CTNNA2: variants seen among roughly 807,000 people sequenced by gnomAD.
CTNNA2 encodes catenin alpha 2.
In CTNNA2, 42 loss-of-function variants were observed where a neutral mutation model predicts 101.0. That is an observed-to-expected ratio of 0.42 (90% CI 0.32 to 0.54). CTNNA2 has a LOEUF of 0.54. Among genes scored for constraint, CTNNA2 ranks in the 20% least tolerant of loss-of-function variants. The pLI is 0.14. For synonymous variants in CTNNA2, 450 were observed against 456.4 expected, an observed-to-expected ratio of 0.99 and a Z score of 0.18; for missense variants, 871 against 1,223.1, an observed-to-expected ratio of 0.71 and a Z score of 4.29.
rs1317740312 is a variant in CTNNA2, at chr2:79,866,644, CCT to C, written c.466-3171_466-3170del. 9 of 152,268 alleles carry C rather than the reference CCT, an allele frequency of 5.9e-5. 1 individual carries two copies. The highest frequency in any genetic ancestry group is 3.9e-4 in the Admixed American group (6 of 15,294). The allele number at this position is 152,268 out of a possible 1,614,324, so 9.4% of individuals were successfully genotyped here. A position where few individuals can be genotyped will look rare whatever the true frequency, so the allele number is the denominator to read the frequency against. On this transcript the variant is annotated intron_variant, in intron 4 of 18. Coordinates refer to ENST00000402739, the MANE Select transcript of CTNNA2 (RefSeq NM_001282597.3). The stretch of plus-strand genomic sequence containing the variant: ...CTTTCTTTCTAGTTCTGCCAGAGCC[CCT>C]GTCATCCACAGACTTTCCAAGAGTA...
intron 18 of CTNNA2, among the ~76,000 whole-genome samples, chr2:80,641,682 C>A (rs980302594): frequency 6.6e-6 from 1 of 152,068 alleles, no homozygotes; most frequent in Non-Finnish European, 1.5e-5. Flanking sequence ...TAAAAGATTG[C>A]TAATTACTTA....
chr2:80,600,746 G>A (rs1258392704), intron 15 of CTNNA2, among the ~76,000 whole-genome samples: 2 of 152,046 alleles, frequency 1.3e-5, no homozygotes, highest in Non-Finnish European at 2.9e-5. Context: ...CTGGGCTCAA[G>A]CAAACCTCTC....
intron 3 of CTNNA2, among the ~76,000 whole-genome samples, chr2:79,825,392 A>C (rs1678353933): frequency 2.6e-5 from 4 of 152,164 alleles, no homozygotes; most frequent in Admixed American, 2.6e-4. Context: ...TAGGTGAGAT[A>C]AGCGATGGTT....
chr2:79,254,971 A>G (rs962005506), intron 2 of CTNNA2, among the ~76,000 whole-genome samples: 1 of 152,198 alleles, frequency 6.6e-6, no homozygotes, highest in Non-Finnish European at 1.5e-5. Context: ...ACAGTAGTCC[A>G]TGGTTTAGCT....
chr2:79,657,680 G>A (rs1277995261), intron 2 of CTNNA2, among the ~76,000 whole-genome samples: 2 of 151,504 alleles, frequency 1.3e-5, no homozygotes, highest in Non-Finnish European at 3.0e-5. Context: ...ATGCAAAAAA[G>A]AAACCTACCT....
chr2:79,356,811 T>C (rs972749451), intron 3 of CTNNA2, among the ~76,000 whole-genome samples: 4 of 152,030 alleles, frequency 2.6e-5, no homozygotes, highest in South Asian at 2.1e-4. Context: ...AATAAAAAAC[T>C]ACCATGTATA....
intron 7 of CTNNA2, among the ~76,000 whole-genome samples, chr2:80,057,475 A>T (rs1322943139): frequency 2.6e-5 from 4 of 152,186 alleles, no homozygotes; most frequent in African/African-American, 7.2e-5. Flanking sequence ...TCTTGGGAGC[A>T]GGTATCTGAG....
At chr2:79,421,913 A>G (rs1337189514) in intron 4 of CTNNA2, among the ~76,000 whole-genome samples, 3 of 152,172 alleles carry the variant, frequency 2.0e-5, no homozygotes, top group Non-Finnish European at 4.4e-5. Context: ...TATAGAGCCC[A>G]TAAGATTTTG....
chr2:79,753,873 T>C (rs1488464054), intron 3 of CTNNA2, among the ~76,000 whole-genome samples: 5 of 149,372 alleles, frequency 3.3e-5, no homozygotes, highest in Non-Finnish European at 6.0e-5. Flanking sequence ...CTCTCTTTTT[T>C]TTTTTTTTTT....
intron 3 of CTNNA2, among the ~76,000 whole-genome samples, chr2:79,362,014 G>A (rs1311510878): frequency 6.6e-6 from 1 of 152,000 alleles, no homozygotes; most frequent in Admixed American, 6.6e-5. Context: ...CAATCAAATT[G>A]ACACAATATT....
At chr2:80,632,075 C>A (rs1309717101) in intron 18 of CTNNA2, among the ~76,000 whole-genome samples, 1 of 152,076 alleles carries the variant, frequency 6.6e-6, no homozygotes, top group Non-Finnish European at 1.5e-5. Context: ...TGTTCAGGGG[C>A]AGCCTGCACC....
intron 3 of CTNNA2, among the ~76,000 whole-genome samples, chr2:79,749,906 G>T (rs1010294523): frequency 6.6e-6 from 1 of 152,188 alleles, no homozygotes; most frequent in Admixed American, 6.5e-5. Flanking sequence ...CTATAGCAAT[G>T]TGTACTACCT....
At chr2:80,299,380 A>C (rs1044306821) in intron 7 of CTNNA2, 2 of 151,520 alleles carry the variant, frequency 1.3e-5, no homozygotes, top group African/African-American at 2.4e-5. Context: ...TCCCCCCACC[A>C]ATCTCCAGAG....
intron 11 of CTNNA2, among the ~76,000 whole-genome samples, chr2:80,546,879 G>T (rs1478160602): frequency 1.3e-5 from 2 of 152,188 alleles, no homozygotes; most frequent in Admixed American, 1.3e-4. Context: ...GGTGTTAAAA[G>T]AGCCAGCTGA....
chr2:80,218,177 C>G (rs1303804813), intron 7 of CTNNA2, among the ~76,000 whole-genome samples: 1 of 152,220 alleles, frequency 6.6e-6, no homozygotes, highest in Non-Finnish European at 1.5e-5. Flanking sequence ...AAAACTCTCT[C>G]TCTTGACTAC....
At chr2:80,155,945 A>G (rs901618008) in intron 7 of CTNNA2, among the ~76,000 whole-genome samples, 19 of 152,156 alleles carry the variant, frequency 1.2e-4, no homozygotes, top group Non-Finnish European at 2.9e-5. Context: ...TCTGTTATCC[A>G]TTGCTCTAGG....
intron 4 of CTNNA2, among the ~76,000 whole-genome samples, chr2:79,863,731 G>A (rs891789604): frequency 2.6e-5 from 4 of 152,158 alleles, no homozygotes; most frequent in African/African-American, 9.7e-5. Context: ...GGGCACTCTA[G>A]GGAGGACCCC....
chr2:79,912,669 T>C (rs1048752135), intron 7 of CTNNA2, among the ~76,000 whole-genome samples: 10 of 152,178 alleles, frequency 6.6e-5, no homozygotes, highest in Admixed American at 1.3e-4. Context: ...GTGAAAAGAT[T>C]CTTAAAAAAT....
At chr2:79,499,962 T>C (rs1403982555) in intron 4 of CTNNA2, among the ~76,000 whole-genome samples, 1 of 152,238 alleles carries the variant, frequency 6.6e-6, no homozygotes, top group Admixed American at 6.5e-5. Context: ...AGACAAATTT[T>C]GAATGCCATC....
Sources: gnomAD v4.1 joint callset for allele counts (sites outside exome capture counted in the v4.1 genomes callset) on GRCh38, gnomAD v4.1.1 for gene constraint, MANE v1.5 for transcripts, NCBI Gene and HGNC (gene_info 2026-07-23, HGNC 2026-07-21) for gene names.